Variants in DLG2 observed in about 807,000 individuals in gnomAD.
The protein encoded by DLG2 is disks large homolog 2.
A neutral mutation model predicts 132.5 loss-of-function variants in DLG2; 45 were observed. The observed-to-expected ratio is 0.34, with a 90% confidence interval of 0.27 to 0.44. The LOEUF (loss-of-function observed/expected upper bound fraction) is 0.44. Ranked by LOEUF, DLG2 falls within the 20% of genes least tolerant of loss-of-function variation. The pLI is 1.00. For synonymous variants in DLG2, 424 were observed against 419.6 expected (o/e 1.01, Z -0.13); for missense variants, 1,045 against 1,196.9 (o/e 0.87, Z 1.87).
intron 6 of DLG2, among the ~76,000 whole-genome samples, chr11:84,598,665 C>T (rs1165408242): frequency 2.0e-5 from 3 of 152,016 alleles, no homozygotes; most frequent in Non-Finnish European, 2.9e-5. Flanking sequence ...GTGACTCATG[C>T]CTGTAATCCC....
intron 11 of DLG2, among the ~76,000 whole-genome samples, chr11:84,017,359 G>A (rs2095240910): frequency 1.3e-5 from 2 of 151,906 alleles, no homozygotes; most frequent in African/African-American, 4.8e-5. Context: ...TGAAACCAAT[G>A]TTATATATAA....
In DLG2 at chr11:85,285,471, A is replaced by T; in HGVS notation, c.41-106T>A. On this transcript the variant is annotated intron_variant, in intron 3 of 27. Coordinates refer to ENST00000376104, the MANE Select transcript of DLG2 (RefSeq NM_001142699.3). The stretch of plus-strand genomic sequence containing the variant: ...ACATACAGAAATTTTGCTGATTAAA[A>T]GAACTGCATAAATATATATCCCAAA... The T allele has an allele frequency of 5.0e-6, 5 of 999,886 alleles. No homozygotes were observed. In the South Asian group the frequency reaches 7.3e-5, roughly 15 times the overall value. 61.9% of individuals were successfully genotyped at this position (999,886 alleles called of 1,614,324 possible).
intron 3 of DLG2, among the ~76,000 whole-genome samples, chr11:85,314,615 G>A (rs1465204076): frequency 1.3e-5 from 2 of 151,810 alleles, no homozygotes; most frequent in East Asian, 3.9e-4. Context: ...ATTTTGGGGG[G>A]TGAAAGTCCT....
At chr11:84,502,412 T>TTCTATCTA in intron 7 of DLG2, among the ~76,000 whole-genome samples, 1 of 115,532 alleles carries the variant, frequency 8.7e-6, no homozygotes, top group Non-Finnish European at 1.8e-5. Flanking sequence ...CTTTCTTTCT[T>TTCTATCTA]TCTATACAGA....
chr11:83,980,794 C>T (rs937552699), intron 11 of DLG2, 152 bp from the exon 12 acceptor site: 5 of 781,408 alleles, frequency 6.4e-6, no homozygotes, highest in East Asian at 3.1e-5. Context: ...ATTTCAATCT[C>T]GTTATTTAAA....
chr11:84,073,834 A>G (rs1167647346), intron 10 of DLG2, among the ~76,000 whole-genome samples: 1 of 152,204 alleles, frequency 6.6e-6, no homozygotes, highest in East Asian at 1.9e-4. Flanking sequence ...TACCATGACT[A>G]TAACAGGTGT....
chr11:85,496,376 G>A lies in DLG2; in HGVS notation c.40+102281C>T, dbSNP rs541200679. Among the ~76,000 whole-genome samples, 52 of 152,184 alleles carry A rather than the reference G, an allele frequency of 3.4e-4. 1 individual carries two copies. Among genetic ancestry groups the A allele is most frequent in the Non-Finnish European group, 4.4e-4 (30 of 68,024 alleles). ...AGCATCCACCATTGCTGAGGCTTGA[G>A]TAGGCAGTTTTATGCTCACAATGTA... On this transcript the variant is annotated intron_variant, in intron 3 of 27. Transcript: ENST00000376104.
intron 17 of DLG2, among the ~76,000 whole-genome samples, chr11:83,826,547 C>A (rs1343068858): frequency 2.0e-5 from 3 of 152,158 alleles, no homozygotes; most frequent in Admixed American, 2.0e-4. Flanking sequence ...ATGCCTGGAA[C>A]AAGCATGCTG....
intron 7 of DLG2, among the ~76,000 whole-genome samples, chr11:84,506,279 T>G (rs1455691771): frequency 1.3e-5 from 2 of 151,094 alleles, no homozygotes; most frequent in Non-Finnish European, 2.9e-5. Flanking sequence ...GTTTCACCGT[T>G]TTAGCCGGGA....
chr11:84,827,676 CAAAA>C (rs398016953), intron 6 of DLG2, among the ~76,000 whole-genome samples: 1,166 of 35,100 alleles, frequency 0.033, 22 homozygotes, highest in Middle Eastern at 0.19. Flanking sequence ...TACATACAGT[CAAAA>C]AAAAAAAAAA....
At chr11:84,699,655 C>G (rs2059000267) in intron 6 of DLG2, among the ~76,000 whole-genome samples, 1 of 151,546 alleles carries the variant, frequency 6.6e-6, no homozygotes, top group Non-Finnish European at 1.5e-5. Context: ...AACTTGCTTT[C>G]TAACTCTTCC....
intron 6 of DLG2, among the ~76,000 whole-genome samples, chr11:84,839,423 G>A (rs1197469693): frequency 1.3e-5 from 2 of 151,996 alleles, no homozygotes; most frequent in African/African-American, 4.8e-5. Flanking sequence ...ACTTCCCAAG[G>A]TAATTTATAG....
chr11:83,999,479 G>A (rs1565977428), intron 11 of DLG2, among the ~76,000 whole-genome samples: 1 of 152,002 alleles, frequency 6.6e-6, no homozygotes, highest in South Asian at 2.1e-4. Flanking sequence ...GTTCCCAGGG[G>A]CCTAATAACC....
chr11:84,753,960 G>A (rs181013485), intron 6 of DLG2, among the ~76,000 whole-genome samples: 38 of 152,288 alleles, frequency 2.5e-4, no homozygotes, highest in South Asian at 2.1e-4. Flanking sequence ...ACTAAGAACC[G>A]ACCAATGCGT....
chr11:84,985,801 T>C (rs2154122203), intron 6 of DLG2, among the ~76,000 whole-genome samples: 1 of 152,110 alleles, frequency 6.6e-6, no homozygotes, highest in East Asian at 1.9e-4. Flanking sequence ...AAGACCAGCC[T>C]GGCCAACATG....
intron 6 of DLG2, among the ~76,000 whole-genome samples, chr11:84,544,463 A>G (rs1208641614): frequency 1.3e-5 from 2 of 152,334 alleles, no homozygotes; most frequent in Middle Eastern, 3.4e-3. Flanking sequence ...TCCAAATGAG[A>G]AAACAGAGGG....
chr11:84,721,801 C>A (rs2061865985), intron 6 of DLG2, among the ~76,000 whole-genome samples: 1 of 152,146 alleles, frequency 6.6e-6, no homozygotes, highest in Non-Finnish European at 1.5e-5. Flanking sequence ...ATTATCCAAA[C>A]CCCTGTTTGC....
At chr11:83,955,775 C>A (rs1041490832) in intron 14 of DLG2, among the ~76,000 whole-genome samples, 2 of 152,220 alleles carry the variant, frequency 1.3e-5, no homozygotes, top group Non-Finnish European at 2.9e-5. Flanking sequence ...AAAGACTAGA[C>A]TGGCTTAGTC....
intron 6 of DLG2, among the ~76,000 whole-genome samples, chr11:84,952,528 G>T (rs2051101062): frequency 6.9e-6 from 1 of 145,532 alleles, no homozygotes; most frequent in Admixed American, 6.8e-5. Context: ...AAAAGAAAAA[G>T]AATAAAACCA....
Sources: allele counts gnomAD v4.1 joint callset (sites outside exome capture counted in the v4.1 genomes callset), GRCh38; gene constraint gnomAD v4.1.1; transcripts MANE v1.5; gene names NCBI Gene and HGNC (gene_info 2026-07-23, HGNC 2026-07-21).